SLC2A9: variants seen among roughly 807,000 people sequenced by gnomAD.
SLC2A9 encodes the protein solute carrier family 2, facilitated glucose transporter member 9.
Under a neutral mutation model 50.6 loss-of-function variants are expected in SLC2A9, and 39 were observed. The observed-to-expected ratio is 0.77, with a 90% CI of 0.60 to 1.01. The LOEUF (loss-of-function observed/expected upper bound fraction) is 1.01. Among genes scored for constraint, SLC2A9 ranks in the 50% least tolerant of loss-of-function variants. The pLI, the probability that SLC2A9 is intolerant of heterozygous loss-of-function variation, is 0.00. For synonymous variants in SLC2A9, 324 were observed against 276.9 expected (o/e 1.17, Z -1.69); for missense variants, 686 against 677.6 (o/e 1.01, Z -0.14).
intron 6 of SLC2A9, among the ~76,000 whole-genome samples, chr4:9,939,572 T>C (rs536265836): frequency 4.0e-4 from 61 of 152,086 alleles, no homozygotes; most frequent in Non-Finnish European, 6.5e-4. Context: ...TTTATGTCCT[T>C]GGCCAAGTTA....
At chr4:9,946,336 C>T (rs148937061) in intron 5 of SLC2A9, among the ~76,000 whole-genome samples, 1 of 152,264 alleles carries the variant, frequency 6.6e-6, no homozygotes, top group Admixed American at 6.5e-5. Context: ...TACTTTAGTC[C>T]ATAAATAATA....
At chr4:9,886,462 GTGTGTGTGTGTGC>G (rs1459014836) in intron 10 of SLC2A9, among the ~76,000 whole-genome samples, 20 of 127,310 alleles carry the variant, frequency 1.6e-4, no homozygotes, top group African/African-American at 6.5e-4. Flanking sequence ...GTGTGTGTGT[GTGTGTGTGTGTGC>G]TGTGTGCATG....
intron 6 of SLC2A9, among the ~76,000 whole-genome samples, chr4:9,928,602 C>T (rs187689968): frequency 5.9e-5 from 9 of 152,172 alleles, no homozygotes; most frequent in Admixed American, 3.9e-4. Flanking sequence ...GGCGTGGTGG[C>T]GGGTGCCTGT....
Position 9,800,258 on chromosome 4 carries a change from AT to A in SLC2A9, n.421-1018del, listed in dbSNP as rs556839071. Among the ~76,000 whole-genome samples the A allele has an allele frequency of 3.7e-4, 57 of 152,186 alleles. No homozygotes were observed. The East Asian group carries it at 9.4e-3, about 25-fold the overall frequency. Reference sequence around the variant, plus strand: ...GCTCTAGGTCATGGACGTGGGTTGAATTTTTCCCCCTCAAATTCATATGTTG... The same window carrying A: ...GCTCTAGGTCATGGACGTGGGTTGAATTTTCCCCCTCAAATTCATATGTTG... On this transcript the variant is annotated intron_variant and non_coding_transcript_variant, in intron 3 of 3. Coordinates refer to the SLC2A9 transcript ENST00000503280.
chr4:9,785,538 G>A lies in SLC2A9; in HGVS notation n.386-5473C>T, dbSNP rs1363851454. ...AGTTTTTACAATATTCTGTTCTAAA[G>A]CAAGAGTTGCTATAAGCAAAATCTT... On this transcript the variant is annotated intron_variant and non_coding_transcript_variant, in intron 3 of 3. Transcript: ENST00000503803. Among the ~76,000 whole-genome samples, 3 of 152,190 alleles carry A rather than the reference G, an allele frequency of 2.0e-5. No homozygotes were observed. The East Asian group carries it at 5.8e-4, about 29-fold the overall frequency.
At position 9,984,507 on chromosome 4, in the gene SLC2A9, C is replaced by A. The variant is rs538388743; in HGVS notation, c.535+1162G>T. Among the ~76,000 whole-genome samples, 5 of 152,240 alleles carry A rather than the reference C, an allele frequency of 3.3e-5. No individual in the cohort carries two copies. In the South Asian group the frequency reaches 1.0e-3, roughly 32 times the overall value. On this transcript the variant is annotated intron_variant, in intron 4 of 11. Coordinates refer to ENST00000264784, the MANE Select transcript of SLC2A9 (RefSeq NM_020041.3). ...CTTTTGAAGTAGGTATTATTACCAC[C>A]ATTTTACAAATGGGAAAACCAAGGC...
chr4:9,827,012 G>A (rs1725258734), intron 11 of SLC2A9, among the ~76,000 whole-genome samples: 1 of 152,174 alleles, frequency 6.6e-6, no homozygotes, highest in South Asian at 2.1e-4. Flanking sequence ...TTAGTTCATA[G>A]GAAGAATGTG....
chr4:10,019,731 C>T (rs1324014480), intron 1 of SLC2A9, among the ~76,000 whole-genome samples: 1 of 152,236 alleles, frequency 6.6e-6, no homozygotes, highest in Non-Finnish European at 1.5e-5. Context: ...CAGTCTGAGG[C>T]GTCAAACTAC....
Position 10,020,627 on chromosome 4 carries a change from A to C in SLC2A9, c.150+653T>G, listed in dbSNP as rs149533054. On this transcript the variant is annotated intron_variant, in intron 1 of 11. Transcript: ENST00000264784. Reference sequence around the variant, plus strand: ...CTGTTCTCTATCACTCTTTCTCTTTAAACCTATCCTCTGAGTCTCGGCACA... The same window carrying C: ...CTGTTCTCTATCACTCTTTCTCTTTCAACCTATCCTCTGAGTCTCGGCACA... Among the ~76,000 whole-genome samples the C allele has an allele frequency of 2.6e-5, 4 of 152,252 alleles. No homozygotes were observed. The East Asian group carries it at 5.8e-4, about 22-fold the overall frequency.
intron 1 of SLC2A9, among the ~76,000 whole-genome samples, chr4:10,030,735 T>C (rs747095162): frequency 3.9e-5 from 6 of 152,188 alleles, no homozygotes; most frequent in Non-Finnish European, 8.8e-5. Flanking sequence ...AACTAGATGC[T>C]AAAAGGCCTT....
intron 6 of SLC2A9, among the ~76,000 whole-genome samples, chr4:9,928,484 C>A (rs1034667000): frequency 1.3e-5 from 2 of 152,248 alleles, no homozygotes; most frequent in Non-Finnish European, 2.9e-5. Flanking sequence ...GTAATCCCAG[C>A]ACTTTGGGAG....
chr4:9,911,165 C>A (rs1424404077), intron 7 of SLC2A9, among the ~76,000 whole-genome samples: 1 of 151,918 alleles, frequency 6.6e-6, no homozygotes, highest in Non-Finnish European at 1.5e-5. Flanking sequence ...AATAATAAAG[C>A]AATAAAAGCC....
At chr4:9,959,499 C>T (rs1026325799) in intron 5 of SLC2A9, among the ~76,000 whole-genome samples, 8 of 151,506 alleles carry the variant, frequency 5.3e-5, no homozygotes, top group African/African-American at 1.9e-4. Context: ...AAAGTTCTAT[C>T]ATCAATTATT....
At chr4:9,950,522 C>T (rs1231737537) in intron 5 of SLC2A9, among the ~76,000 whole-genome samples, 1 of 152,172 alleles carries the variant, frequency 6.6e-6, no homozygotes, top group Non-Finnish European at 1.5e-5. Context: ...CACTAATCAT[C>T]AGAGAAATGG....
chr4:10,039,107 TAG>T (rs1200678454), intron 1 of SLC2A9, among the ~76,000 whole-genome samples: 1 of 152,242 alleles, frequency 6.6e-6, no homozygotes, highest in Non-Finnish European at 1.5e-5. Flanking sequence ...TACCCTGCTC[TAG>T]AGTGTTCATG....
At chr4:9,964,326 C>T (rs373237553) in intron 5 of SLC2A9, among the ~76,000 whole-genome samples, 2 of 152,144 alleles carry the variant, frequency 1.3e-5, no homozygotes, top group African/African-American at 4.8e-5. Context: ...GTTTTGAGAA[C>T]TCTGGTTGTT....
chr4:9,866,211 A>T (rs922322130), intron 10 of SLC2A9, among the ~76,000 whole-genome samples: 5 of 151,776 alleles, frequency 3.3e-5, no homozygotes, highest in African/African-American at 4.8e-5. Context: ...TTACTATTGT[A>T]TTATTATTAT....
chr4:9,984,742 A>G lies in SLC2A9; in HGVS notation c.535+927T>C, dbSNP rs531898679. Among the ~76,000 whole-genome samples the G allele has an allele frequency of 2.0e-5, 3 of 151,980 alleles. No homozygotes were observed. In the South Asian group the frequency reaches 6.2e-4, roughly 32 times the overall value. ...TCTGTCCCCTTCTCTGCAGCTCCCCACCTAGCCCAGTCCCTTCCCCTGAAC... is the reference window on the plus strand; with the variant it reads ...TCTGTCCCCTTCTCTGCAGCTCCCCGCCTAGCCCAGTCCCTTCCCCTGAAC... On this transcript the variant is annotated intron_variant, in intron 4 of 11. Transcript: ENST00000264784.
At chr4:9,876,532 A>C (rs1156811702) in intron 10 of SLC2A9, among the ~76,000 whole-genome samples, 2 of 152,198 alleles carry the variant, frequency 1.3e-5, no homozygotes, top group Admixed American at 6.5e-5. Context: ...TGGAGGCTGC[A>C]GTGAGTCATG....
Sources: allele counts gnomAD v4.1 joint callset (sites outside exome capture counted in the v4.1 genomes callset), GRCh38; gene constraint gnomAD v4.1.1; transcripts MANE v1.5; gene names NCBI Gene and HGNC (gene_info 2026-07-23, HGNC 2026-07-21).